Variants in PIBF1 observed in about 807,000 individuals in gnomAD.
The protein encoded by PIBF1 is progesterone-induced-blocking factor 1.
Under a neutral mutation model 112.5 loss-of-function variants are expected in PIBF1, and 90 were observed. The ratio of observed to expected loss-of-function variants is 0.80; its 90% confidence interval spans 0.67 to 0.95. The LOEUF is 0.95. Ranked by LOEUF, PIBF1 falls within the 40% of genes least tolerant of loss-of-function variation. PIBF1 has a pLI of 0.00. For synonymous variants in PIBF1, 301 were observed against 288.6 expected, an observed-to-expected ratio of 1.04 and a Z score of -0.44; for missense variants, 915 against 852.3, an observed-to-expected ratio of 1.07 and a Z score of -0.92.
intron 10 of PIBF1, among the ~76,000 whole-genome samples, chr13:72,856,858 C>T (rs17089807): frequency 0.1 from 15,730 of 152,094 alleles, 2,322 homozygotes; most frequent in African/African-American, 0.33. Flanking sequence ...GACTTTGAAA[C>T]TTGACAAACC....
intron 17 of PIBF1, among the ~76,000 whole-genome samples, chr13:73,013,808 G>A (rs1047920426): frequency 6.7e-6 from 1 of 150,224 alleles, no homozygotes; most frequent in African/African-American, 2.4e-5. Flanking sequence ...TACCTATAGA[G>A]AAGCAAAGGT....
intron 13 of PIBF1, among the ~76,000 whole-genome samples, chr13:72,919,804 C>G (rs1470185938): frequency 6.6e-6 from 1 of 151,960 alleles, no homozygotes; most frequent in Non-Finnish European, 1.5e-5. Flanking sequence ...CCCATCTCTA[C>G]AAAAAATACA....
Position 72,783,516 on chromosome 13 carries a change from G to T in PIBF1, c.47G>T (p.Ser16Ile). ...GAGTCAAAAAAAGTGAACATCTCTA[G>T]TTCTCTGGAATCTGAAGATATTAGT... ...SKESKKVNIS[S>I]SLESEDISLE... The change falls in exon 2 of 18, where the codon AGT becomes ATT. Residue 16 changes from serine to isoleucine, a missense_variant. By Grantham distance (142) the Ser-to-Ile change is moderately radical. Transcript: ENST00000326291. 1 of 1,612,822 alleles carries T rather than the reference G, an allele frequency of 6.2e-7. No homozygotes were observed. The highest frequency in any genetic ancestry group is 8.5e-7 in the Non-Finnish European group (1 of 1,178,888).
chr13:72,995,273 C>T (rs1055821311), intron 16 of PIBF1, among the ~76,000 whole-genome samples: 7 of 151,164 alleles, frequency 4.6e-5, no homozygotes, highest in African/African-American at 1.7e-4. Context: ...TGCACTCCAA[C>T]CTGGGCGACA....
chr13:73,005,044 G>A (rs1181825251), intron 17 of PIBF1, among the ~76,000 whole-genome samples: 1 of 152,098 alleles, frequency 6.6e-6, no homozygotes, highest in East Asian at 1.9e-4. Flanking sequence ...AATTAGCCAA[G>A]CGTGGTGGTG....
At chr13:72,873,902 A>G (rs908993532) in intron 10 of PIBF1, among the ~76,000 whole-genome samples, 3 of 152,210 alleles carry the variant, frequency 2.0e-5, no homozygotes, top group African/African-American at 7.2e-5. Flanking sequence ...AAGACAAGCT[A>G]CTCAATTTAA....
intron 6 of PIBF1, among the ~76,000 whole-genome samples, chr13:72,823,747 A>G (rs987436887): frequency 1.3e-5 from 2 of 152,196 alleles, no homozygotes; most frequent in Non-Finnish European, 2.9e-5. Flanking sequence ...ATCTGAATGT[A>G]TCACTTTTTT....
At chr13:72,985,543 C>CA (rs1375264223) in intron 16 of PIBF1, among the ~76,000 whole-genome samples, 9 of 151,540 alleles carry the variant, frequency 5.9e-5, no homozygotes, top group Non-Finnish European at 1.3e-4. Flanking sequence ...GACTCCGTCT[C>CA]AAAAAACAGA....
chr13:72,794,927 G>T (rs910179984), intron 3 of PIBF1, among the ~76,000 whole-genome samples: 1 of 152,136 alleles, frequency 6.6e-6, no homozygotes, highest in Non-Finnish European at 1.5e-5. Context: ...GCAGATTACT[G>T]TTTTCATTAC....
chr13:72,783,773 G>T (rs1199305866), intron 2 of PIBF1, 52 bp downstream of exon 2: 1 of 1,505,518 alleles, frequency 6.6e-7, no homozygotes, highest in Non-Finnish European at 9.1e-7. Context: ...TCTTCAAACG[G>T]CAGGTAAATA....
chr13:72,931,297 A>G (rs1276312250), intron 14 of PIBF1, 30 bp downstream of exon 14: 15 of 1,260,064 alleles, frequency 1.2e-5, no homozygotes, highest in Admixed American at 1.8e-5. Context: ...CCATATGAAG[A>G]ATCACAGTAT....
chr13:72,853,911 A>C (rs904027649), intron 9 of PIBF1, 146 bp from the exon 10 acceptor site: 5 of 607,448 alleles, frequency 8.2e-6, no homozygotes, highest in Non-Finnish European at 1.5e-5. Flanking sequence ...TAGATACTCA[A>C]CCAAGCCAAG....
At chr13:72,830,891 C>T (rs1034758824) in intron 8 of PIBF1, among the ~76,000 whole-genome samples, 1 of 152,080 alleles carries the variant, frequency 6.6e-6, no homozygotes, top group African/African-American at 2.4e-5. Flanking sequence ...GCTGGGAATC[C>T]ATCTCATCCT....
chr13:72,986,175 AAAG>A (rs1231506144), intron 16 of PIBF1, among the ~76,000 whole-genome samples: 2 of 152,014 alleles, frequency 1.3e-5, no homozygotes, highest in African/African-American at 2.4e-5. Context: ...ACAAAACAAA[AAAG>A]AAGGAAAAAA....
At chr13:72,853,005 A>T (rs1266390505) in intron 9 of PIBF1, among the ~76,000 whole-genome samples, 1 of 152,134 alleles carries the variant, frequency 6.6e-6, no homozygotes, top group African/African-American at 2.4e-5. Flanking sequence ...AGTGAGCAAA[A>T]TCATTTATAT....
intron 16 of PIBF1, among the ~76,000 whole-genome samples, chr13:72,979,763 A>G (rs2043110206): frequency 6.6e-6 from 1 of 152,092 alleles, no homozygotes; most frequent in South Asian, 2.1e-4. Flanking sequence ...CCTACTAAAA[A>G]TAGAAAAATT....
At chr13:72,956,894 GCAAA>G (rs1382979641) in intron 14 of PIBF1, among the ~76,000 whole-genome samples, 1 of 152,116 alleles carries the variant, frequency 6.6e-6, no homozygotes, top group South Asian at 2.1e-4. Flanking sequence ...TATACAAATG[GCAAA>G]CAAACATGTA....
chr13:72,894,396 A>G (rs1566415829), intron 11 of PIBF1, among the ~76,000 whole-genome samples: 1 of 152,106 alleles, frequency 6.6e-6, no homozygotes. Flanking sequence ...AACAACTGGA[A>G]GGAAAAACAT....
chr13:72,904,433 C>CTTTTTTTGTTTTTTTT (rs2040611780), intron 11 of PIBF1, among the ~76,000 whole-genome samples: 1 of 36,558 alleles, frequency 2.7e-5, no homozygotes, highest in Non-Finnish European at 4.6e-5. Flanking sequence ...CAAAATATTT[C>CTTTTTTTGTTTTTTTT]TTTTTTTTTT....
Sources: gnomAD v4.1 joint callset for allele counts (sites outside exome capture counted in the v4.1 genomes callset) on GRCh38, gnomAD v4.1.1 for gene constraint, MANE v1.5 for transcripts, NCBI Gene and HGNC (gene_info 2026-07-23, HGNC 2026-07-21) for gene names.